The following ANKRD28 variants were observed in gnomAD, a reference collection of about 807,000 sequenced individuals.
ANKRD28 encodes serine/threonine-protein phosphatase 6 regulatory ankyrin repeat subunit A.
A neutral mutation model predicts 126.5 loss-of-function variants in ANKRD28; 44 were observed. The ratio of observed to expected loss-of-function variants is 0.35; its 90% confidence interval spans 0.27 to 0.45. The LOEUF is 0.45. Ranked by LOEUF, ANKRD28 falls within the 20% of genes least tolerant of loss-of-function variation. The pLI, the probability that ANKRD28 is intolerant of heterozygous loss-of-function variation, is 1.00. For synonymous variants in ANKRD28, 442 were observed against 468.5 expected (o/e 0.94, Z 0.73); for missense variants, 1,110 against 1,316.6 (o/e 0.84, Z 2.43).
At chr3:15,781,228 C>G (rs1371062079) in intron 2 of ANKRD28, among the ~76,000 whole-genome samples, 1 of 152,004 alleles carries the variant, frequency 6.6e-6, no homozygotes, top group Non-Finnish European at 1.5e-5. Context: ...CCTGTCATGA[C>G]TAATTTTAGG....
At position 15,845,825 on chromosome 3, in the gene ANKRD28, G is replaced by C. The variant is rs1351858926; in HGVS notation, c.27+13552C>G. ...AGGGGAAGCAAGCACGTCTTAATAT[G>C]GTGGAGCAGGAGGTAGGGGTATGTG... On this transcript the variant is annotated intron_variant, in intron 1 of 27. Transcript: ENST00000399451. The surrounding 1 kb of genome is among the most constrained non-coding windows in gnomAD (Gnocchi z 4.9). Among the ~76,000 whole-genome samples, 1 of 152,092 alleles carries C rather than the reference G, an allele frequency of 6.6e-6. No individual in the cohort carries two copies. The highest frequency in any genetic ancestry group is 1.5e-5 in the Non-Finnish European group (1 of 68,016).
rs921370531 is a variant in ANKRD28 at position 15,796,685 on chromosome 3, A to T, written c.-164T>A. ...AGTTAATAAGTACTACTGGAAAAAC[A>T]AGTTTAAAATTATGACTACATAATT... On this transcript the variant is annotated 5_prime_UTR_variant, in exon 1 of 28. Transcript: ENST00000683139. The T allele has an allele frequency of 3.0e-6, 3 of 986,256 alleles. No homozygotes were observed. Among genetic ancestry groups the T allele is most frequent in the Non-Finnish European group, 3.6e-6 (3 of 824,954 alleles). The allele number at this position is 986,256 out of a possible 1,614,324, so 61.1% of individuals were successfully genotyped here. A position where few individuals can be genotyped will look rare whatever the true frequency, so the allele number is the denominator to read the frequency against.
At chr3:15,762,984 C>A (rs2058568847) in intron 3 of ANKRD28, among the ~76,000 whole-genome samples, 1 of 152,212 alleles carries the variant, frequency 6.6e-6, no homozygotes, top group African/African-American at 2.4e-5. Flanking sequence ...GGCAAAAGAG[C>A]TTGTGACATT....
At chr3:15,791,749 G>A (rs1183510169) in intron 2 of ANKRD28, among the ~76,000 whole-genome samples, 1 of 152,080 alleles carries the variant, frequency 6.6e-6, no homozygotes, top group Non-Finnish European at 1.5e-5. Context: ...ATGGACAAAT[G>A]GGATCACATC....
intron 1 of ANKRD28, among the ~76,000 whole-genome samples, chr3:15,822,763 G>C (rs1024313191): frequency 4.6e-4 from 69 of 151,590 alleles, no homozygotes; most frequent in Middle Eastern, 6.9e-3. Flanking sequence ...TTAAAAAATA[G>C]AAGTCACAGA....
intron 15 of ANKRD28, 79 bp from the exon 16 acceptor site, chr3:15,695,293 GCTAA>G: frequency 2.7e-6 from 3 of 1,099,224 alleles, no homozygotes; most frequent in Non-Finnish European, 2.7e-6. Context: ...ATAGAGCTTT[GCTAA>G]CTTTTACCCT....
chr3:15,726,870 A>G (rs1352002300), intron 6 of ANKRD28, among the ~76,000 whole-genome samples: 1 of 152,208 alleles, frequency 6.6e-6, no homozygotes, highest in Non-Finnish European at 1.5e-5. Context: ...CTCATTTACC[A>G]TTCTGAAAAT....
chr3:15,784,928 T>C (rs2125721790), intron 2 of ANKRD28, among the ~76,000 whole-genome samples: 1 of 152,130 alleles, frequency 6.6e-6, no homozygotes, highest in African/African-American at 2.4e-5. Flanking sequence ...CTCTGTCATA[T>C]AATGAAGCCT....
Position 15,667,889 on chromosome 3 carries a change from C to T in ANKRD28, c.*2381G>A, listed in dbSNP as rs996587532. The stretch of plus-strand genomic sequence containing the variant: ...ACAGCTTGTCACTTTATAGCTACAC[C>T]TTGGATTTCATTAGATGTGGTAAAT... On this transcript the variant is annotated 3_prime_UTR_variant, in exon 28 of 28. Transcript: ENST00000683139. The T allele has an allele frequency of 2.0e-5, 3 of 152,188 alleles. No individual in the cohort carries two copies. The highest frequency in any genetic ancestry group is 7.2e-5 in the African/African-American group (3 of 41,436). 9.4% of individuals were successfully genotyped at this position (152,188 alleles called of 1,614,324 possible). A position where few individuals can be genotyped will look rare whatever the true frequency, so the allele number is the denominator to read the frequency against.
chr3:15,741,245 G>T (rs2075448679), intron 4 of ANKRD28, among the ~76,000 whole-genome samples: 1 of 151,920 alleles, frequency 6.6e-6, no homozygotes, highest in South Asian at 2.1e-4. Flanking sequence ...CACAATAGCA[G>T]TGATCTTTGA....
intron 2 of ANKRD28, among the ~76,000 whole-genome samples, chr3:15,793,239 G>A (rs13078999): frequency 0.72 from 109,739 of 152,072 alleles, 39,803 homozygotes; most frequent in East Asian, 0.93. Flanking sequence ...TTCCTTATCA[G>A]ACAAAATCAG....
rs1034111557 is a variant in ANKRD28 at position 15,797,105 on chromosome 3, T to C, written c.-584A>G. ...TTCTTCATCACTGGTTTAATGCAGA[T>C]ACTATTCACAGAAAAAAGATCTAGA... On this transcript the variant is annotated 5_prime_UTR_variant, in exon 1 of 28. Coordinates refer to ENST00000683139, the MANE Select transcript of ANKRD28 (RefSeq NM_001349278.2). 2.3e-5 allele frequency: 23 copies of C among 983,478 alleles called. No homozygotes were observed. Among genetic ancestry groups the C allele is most frequent in the Non-Finnish European group, 2.8e-5 (23 of 829,698 alleles). The allele number at this position is 983,478 out of a possible 1,614,324, so 60.9% of individuals were successfully genotyped here.
intron 8 of ANKRD28, among the ~76,000 whole-genome samples, chr3:15,716,502 T>C (rs1348987521): frequency 6.6e-6 from 1 of 152,046 alleles, no homozygotes; most frequent in Non-Finnish European, 1.5e-5. Flanking sequence ...CAGGCTGGTT[T>C]TGAACTCTTG....
rs1330967761 is a variant in ANKRD28, at chr3:15,838,228, A to T, written c.27+21149T>A. On this transcript the variant is annotated intron_variant, in intron 1 of 27. Transcript: ENST00000399451. This position sits in a 1 kb window ranked among gnomAD's most constrained non-coding sequence, Gnocchi z 4.0. Reference sequence around the variant, plus strand: ...ATATTAATCCTTCACAAACTCATCTAGATACTTCAATAGAAAACACTTTCT... The same window carrying T: ...ATATTAATCCTTCACAAACTCATCTTGATACTTCAATAGAAAACACTTTCT... Among the ~76,000 whole-genome samples, 9 of 152,188 alleles carry T rather than the reference A, an allele frequency of 5.9e-5. No individual in the cohort carries two copies. Among genetic ancestry groups the T allele is most frequent in the African/African-American group, 2.2e-4 (9 of 41,456 alleles).
At chr3:15,809,480 T>C (rs2060661950) in intron 1 of ANKRD28, among the ~76,000 whole-genome samples, 1 of 152,192 alleles carries the variant, frequency 6.6e-6, no homozygotes, top group African/African-American at 2.4e-5. Context: ...AGCACATGAC[T>C]GAAACTAGAC....
rs1360153342 is a variant in ANKRD28, at chr3:15,830,409, C to G, written c.27+28968G>C. Among the ~76,000 whole-genome samples, 1 of 151,894 alleles carries G rather than the reference C, an allele frequency of 6.6e-6. No homozygotes were observed. ...GCAGCGGGCAAGCAAGCATTACCAC[C>G]TCAACTCTGACTCCTGTCAGAGTAG... On this transcript the variant is annotated intron_variant, in intron 1 of 27. Coordinates refer to the ANKRD28 transcript ENST00000399451. This position sits in a 1 kb window ranked among gnomAD's most constrained non-coding sequence, Gnocchi z 4.5.
At chr3:15,751,948 ACT>A in intron 3 of ANKRD28, 128 bp from the exon 4 acceptor site, 1 of 596,502 alleles carries the variant, frequency 1.7e-6, no homozygotes, top group Non-Finnish European at 2.8e-6. Context: ...TATTTTTTAC[ACT>A]TTCTGCTGAT....
At chr3:15,759,972 T>TA (rs1200858705) in intron 3 of ANKRD28, among the ~76,000 whole-genome samples, 2 of 152,126 alleles carry the variant, frequency 1.3e-5, no homozygotes, top group African/African-American at 4.8e-5. Flanking sequence ...GGGGCAGTGC[T>TA]AAAAAAGAGA....
At chr3:15,796,353 T>A (rs899966842) in intron 1 of ANKRD28, 52 bp downstream of exon 1, 6 of 1,057,298 alleles carry the variant, frequency 5.7e-6, no homozygotes, top group Non-Finnish European at 7.2e-6. Flanking sequence ...AAACAAGATT[T>A]ATACTACTAG....
Sources: allele counts gnomAD v4.1 joint callset (sites outside exome capture counted in the v4.1 genomes callset), GRCh38; gene constraint gnomAD v4.1.1; non-coding constraint Gnocchi (gnomAD v3.1); transcripts MANE v1.5; gene names NCBI Gene and HGNC (gene_info 2026-07-23, HGNC 2026-07-21).